Variants in SLC39A11 observed in about 807,000 individuals in gnomAD.
The protein encoded by SLC39A11 is zinc transporter ZIP11.
In SLC39A11, 33 loss-of-function variants were observed where a neutral mutation model predicts 36.1. The ratio of observed to expected loss-of-function variants is 0.91; its 90% CI spans 0.69 to 1.22. The LOEUF is 1.22. Ranked by LOEUF, SLC39A11 falls within the 50% of genes most tolerant of loss-of-function variation. The pLI is 0.00. For missense variants in SLC39A11, 432 were observed against 430.3 expected, an observed-to-expected ratio of 1.00 and a Z score of -0.03; for synonymous variants, 166 against 170.3, an observed-to-expected ratio of 0.97 and a Z score of 0.20.
chr17:72,868,993 A>G (rs1472343147), intron 5 of SLC39A11, among the ~76,000 whole-genome samples: 1 of 152,198 alleles, frequency 6.6e-6, no homozygotes, highest in Non-Finnish European at 1.5e-5. Flanking sequence ...TGCGAAACTC[A>G]GCTCAGCTGA....
At chr17:72,859,470 C>A (rs2079834750) in intron 5 of SLC39A11, among the ~76,000 whole-genome samples, 1 of 152,054 alleles carries the variant, frequency 6.6e-6, no homozygotes, top group Admixed American at 6.5e-5. Flanking sequence ...CCCTGAGGGG[C>A]TCAAGGGGCA....
intron 6 of SLC39A11, among the ~76,000 whole-genome samples, chr17:72,772,810 G>A (rs981269803): frequency 5.9e-5 from 9 of 152,290 alleles, no homozygotes; most frequent in South Asian, 2.1e-4. Context: ...CAGGCTGGGC[G>A]CAGTGGCTCA....
At chr17:72,711,768 C>A (rs142229017) in intron 7 of SLC39A11, among the ~76,000 whole-genome samples, 1 of 152,278 alleles carries the variant, frequency 6.6e-6, no homozygotes, top group East Asian at 1.9e-4. Context: ...TCTCCCCTGG[C>A]TGCCCCTTGA....
chr17:73,005,666 A>T (rs1475412355), intron 4 of SLC39A11, among the ~76,000 whole-genome samples: 1 of 152,194 alleles, frequency 6.6e-6, no homozygotes, highest in Non-Finnish European at 1.5e-5. Flanking sequence ...CACCTGAGTG[A>T]CCTCAGCCAT....
intron 7 of SLC39A11, among the ~76,000 whole-genome samples, chr17:72,695,126 G>A (rs1017076826): frequency 1.6e-4 from 24 of 152,256 alleles, no homozygotes; most frequent in African/African-American, 5.3e-4. Flanking sequence ...GGGTAGAAAC[G>A]GGAAGTCTGT....
At chr17:72,850,372 T>C (rs922620189) in intron 5 of SLC39A11, among the ~76,000 whole-genome samples, 5 of 151,880 alleles carry the variant, frequency 3.3e-5, no homozygotes, top group Non-Finnish European at 5.9e-5. Flanking sequence ...GAGGATGGCT[T>C]GAGCCCGGGA....
chr17:72,956,367 T>A (rs188869447), intron 4 of SLC39A11, among the ~76,000 whole-genome samples: 17 of 152,314 alleles, frequency 1.1e-4, no homozygotes, highest in Admixed American at 9.8e-4. Flanking sequence ...GACACAGCTC[T>A]ATGAGAATCT....
chr17:72,910,920 C>T (rs2082953235), intron 5 of SLC39A11, among the ~76,000 whole-genome samples: 1 of 115,156 alleles, frequency 8.7e-6, no homozygotes, highest in African/African-American at 3.4e-5. Flanking sequence ...GAGCAAGACT[C>T]CACCTCAAAA....
chr17:73,011,665 G>GT lies in SLC39A11; in HGVS notation c.306+19890_306+19891insA, dbSNP rs1443538940. On this transcript the variant is annotated intron_variant, in intron 4 of 9. Transcript: ENST00000255559. ...GTACCTCTGGTTTTCTGGTTTTCTT[G>GT]GTTTTTTTTTTTTTGGATGGAGTTT... Among the ~76,000 whole-genome samples, 35 of 60,978 alleles carry GT rather than the reference G, an allele frequency of 5.7e-4. No homozygotes were observed. In the South Asian group the frequency reaches 0.038, roughly 66 times the overall value. 40.0% of individuals were successfully genotyped at this position (60,978 alleles called of 152,430 possible).
At chr17:72,768,208 T>A (rs962891939) in intron 6 of SLC39A11, among the ~76,000 whole-genome samples, 1 of 152,226 alleles carries the variant, frequency 6.6e-6, no homozygotes, top group Non-Finnish European at 1.5e-5. Flanking sequence ...AACCTATGTA[T>A]ACACTTTAGC....
chr17:72,855,338 T>C (rs2079582173), intron 5 of SLC39A11, among the ~76,000 whole-genome samples: 1 of 152,128 alleles, frequency 6.6e-6, no homozygotes, highest in African/African-American at 2.4e-5. Flanking sequence ...GGCCCAATGA[T>C]GGAATTGCAG....
intron 3 of SLC39A11, among the ~76,000 whole-genome samples, chr17:73,046,365 G>A (rs866288575): frequency 1.5e-4 from 23 of 152,168 alleles, no homozygotes; most frequent in African/African-American, 3.1e-4. Flanking sequence ...TCTCCCATGC[G>A]TATGGTGGCC....
intron 4 of SLC39A11, among the ~76,000 whole-genome samples, chr17:72,950,450 G>T (rs2085780652): frequency 6.6e-6 from 1 of 152,194 alleles, no homozygotes; most frequent in Admixed American, 6.5e-5. Flanking sequence ...TAACCCTGCT[G>T]ACACCTGGTG....
chr17:73,060,307 G>A (rs1208447687), intron 3 of SLC39A11, among the ~76,000 whole-genome samples: 3 of 150,498 alleles, frequency 2.0e-5, no homozygotes, highest in African/African-American at 7.3e-5. Context: ...TAGGAAACTG[G>A]CAAAGGAAAT....
intron 2 of SLC39A11, among the ~76,000 whole-genome samples, chr17:73,087,657 G>A (rs2060778271): frequency 6.6e-6 from 1 of 152,066 alleles, no homozygotes; most frequent in South Asian, 2.1e-4. Context: ...GGGTATGTGG[G>A]ACTATAGGTA....
chr17:73,004,210 A>AGAAAGAAAGGAAAGAAAGAAAG (rs2090032406), intron 4 of SLC39A11, among the ~76,000 whole-genome samples: 3 of 128,978 alleles, frequency 2.3e-5, no homozygotes, highest in African/African-American at 2.9e-5. Flanking sequence ...AAAGAAAGAA[A>AGAAAGAAAGGAAAGAAAGAAAG]GAAAGAAAGA....
intron 6 of SLC39A11, among the ~76,000 whole-genome samples, chr17:72,761,671 C>T (rs1048109461): frequency 1.3e-5 from 2 of 152,146 alleles, no homozygotes; most frequent in South Asian, 2.1e-4. Context: ...CGTTTTGAAC[C>T]GTGTCTGTCA....
In SLC39A11 at chr17:73,038,865, T is replaced by C. The variant is rs1276030639; in HGVS notation, c.148-7151A>G. Among the ~76,000 whole-genome samples, 3 of 151,788 alleles carry C rather than the reference T, an allele frequency of 2.0e-5. No individual in the cohort carries two copies. The East Asian group carries it at 5.8e-4, about 30-fold the overall frequency. On this transcript the variant is annotated intron_variant, in intron 3 of 9. Transcript: ENST00000255559. Reference sequence around the variant, plus strand: ...CAACCGTTAGGGACCCCATTTGTACTACTGCCCCTGGTTGTTGCTGAACTC... The same window carrying C: ...CAACCGTTAGGGACCCCATTTGTACCACTGCCCCTGGTTGTTGCTGAACTC...
At chr17:72,756,767 T>C (rs772557804) in intron 6 of SLC39A11, among the ~76,000 whole-genome samples, 6 of 152,164 alleles carry the variant, frequency 3.9e-5, no homozygotes, top group Non-Finnish European at 8.8e-5. Context: ...TTACAAATAG[T>C]TAATTAAGAT....
Sources: gnomAD v4.1 joint callset for allele counts (sites outside exome capture counted in the v4.1 genomes callset) on GRCh38, gnomAD v4.1.1 for gene constraint, MANE v1.5 for transcripts, NCBI Gene and HGNC (gene_info 2026-07-23, HGNC 2026-07-21) for gene names.